Variants in MAGI3 observed in about 807,000 individuals in gnomAD.
The protein encoded by MAGI3 is membrane associated guanylate kinase, WW and PDZ domain containing 3.
A neutral mutation model predicts 121.8 loss-of-function variants in MAGI3; 43 were observed. The observed-to-expected ratio is 0.35, with a 90% CI of 0.28 to 0.46. MAGI3 has a LOEUF of 0.46. Ranked by LOEUF, MAGI3 falls within the 20% of genes least tolerant of loss-of-function variation. The probability of loss-of-function intolerance (pLI) is 1.00; values close to 1 mark genes in which losing one functional copy is unlikely to be tolerated. For synonymous variants in MAGI3, 553 were observed against 639.3 expected, an observed-to-expected ratio of 0.86 and a Z score of 2.04; for missense variants, 1,547 against 1,797.3, an observed-to-expected ratio of 0.86 and a Z score of 2.52.
intron 9 of MAGI3, among the ~76,000 whole-genome samples, chr1:113,641,037 T>C (rs1652457265): frequency 7.7e-6 from 1 of 129,918 alleles, no homozygotes; most frequent in South Asian, 2.2e-4. Context: ...ATATGATATA[T>C]ATAATATATA....
chr1:113,424,369 C>T (rs1216541610), intron 1 of MAGI3, among the ~76,000 whole-genome samples: 4 of 152,118 alleles, frequency 2.6e-5, no homozygotes, highest in Admixed American at 2.6e-4. Context: ...CCAAAAGCGT[C>T]CCTCTTATTA....
rs3081634 is a variant in MAGI3, at chr1:113,663,235, A to AATATATATAT, written c.2815+3983_2815+3992dup. 9.9e-3 allele frequency among the ~76,000 whole-genome samples: 1,425 copies of AATATATATAT among 144,024 alleles called. 13 individuals carry two copies. The highest frequency in any genetic ancestry group is 0.022 in the African/African-American group (848 of 38,916). 94.5% of individuals were successfully genotyped at this position (144,024 alleles called of 152,430 possible). On this transcript the variant is annotated intron_variant, in intron 16 of 20. Coordinates refer to ENST00000307546, the MANE Select transcript of MAGI3 (RefSeq NM_001142782.2). ...AGTGAAACTCCATCTCAAAAACAGAAATATATATATATATATATATATGCA... is the reference window on the plus strand; with the variant it reads ...AGTGAAACTCCATCTCAAAAACAGAAATATATATATATATATATATATATATATATATGCA...
chr1:113,599,775 G>A (rs904844651), intron 6 of MAGI3, among the ~76,000 whole-genome samples: 14 of 151,440 alleles, frequency 9.2e-5, no homozygotes, highest in Admixed American at 7.9e-4. Flanking sequence ...CCAAAAAAGA[G>A]AATTTTAGAC....
intron 2 of MAGI3, among the ~76,000 whole-genome samples, chr1:113,576,487 C>T (rs1647649578): frequency 6.6e-6 from 1 of 152,162 alleles, no homozygotes; most frequent in African/African-American, 2.4e-5. Flanking sequence ...GCGAGCTGCA[C>T]CCACTGTCTA....
At chr1:113,442,175 A>T (rs1021835246) in intron 1 of MAGI3, among the ~76,000 whole-genome samples, 4 of 152,152 alleles carry the variant, frequency 2.6e-5, no homozygotes, top group African/African-American at 9.7e-5. Flanking sequence ...TCAGCTTCCA[A>T]ATATTTGAGA....
rs1647628293 is a variant in MAGI3 at position 113,672,649 on chromosome 1, T to G, written c.2953T>G (p.Ser985Ala). ...AGAAGGTGAAATTGGAAAAGATGTC[T>G]CCACTTCTTACAGACATTCTTGGTC... is the stretch of plus-strand genomic sequence containing the variant. Reference protein sequence around the residue: ...ALEGEIGKDVSTSYRHSWSDH... With the variant: ...ALEGEIGKDVATSYRHSWSDH... Residue 985 changes from serine to alanine, a missense_variant, in exon 18 of 21, where the codon TCC (serine) becomes GCC (alanine). By Grantham distance (99) the Ser-to-Ala change is moderately conservative. Transcript: ENST00000307546. 1 of 1,613,874 alleles carries G rather than the reference T, an allele frequency of 6.2e-7. No homozygotes were observed. Among genetic ancestry groups the G allele is most frequent in the African/African-American group, 1.3e-5 (1 of 75,044 alleles).
chr1:113,409,368 G>A (rs1388649479), intron 1 of MAGI3, among the ~76,000 whole-genome samples: 1 of 151,704 alleles, frequency 6.6e-6, no homozygotes, highest in Non-Finnish European at 1.5e-5. Context: ...TTTTTGGCTG[G>A]GTGTGGTGGT....
chr1:113,395,152 AGGT>A (rs564094193), intron 1 of MAGI3, among the ~76,000 whole-genome samples: 92 of 69,680 alleles, frequency 1.3e-3, no homozygotes, highest in African/African-American at 4.8e-3. Flanking sequence ...AGTTTTGTTT[AGGT>A]GGTTGTATTA....
chr1:113,630,055 C>T (rs780763870), intron 9 of MAGI3, among the ~76,000 whole-genome samples: 19 of 152,112 alleles, frequency 1.2e-4, no homozygotes, highest in Non-Finnish European at 2.5e-4. Flanking sequence ...TTCCCCAAGC[C>T]GCGAGTGGAT....
chr1:113,503,551 A>G (rs1657155120), intron 1 of MAGI3, among the ~76,000 whole-genome samples: 1 of 152,058 alleles, frequency 6.6e-6, no homozygotes, highest in Non-Finnish European at 1.5e-5. Context: ...AGTCACATAT[A>G]TGCACATACA....
At chr1:113,625,869 T>C (rs1310655520) in intron 9 of MAGI3, among the ~76,000 whole-genome samples, 4 of 152,222 alleles carry the variant, frequency 2.6e-5, no homozygotes, top group African/African-American at 4.8e-5. Flanking sequence ...GTATGTTTCT[T>C]ATATAACCAG....
At chr1:113,450,642 ACAGT>A (rs1457451566) in intron 1 of MAGI3, 2 of 1,016,004 alleles carry the variant, frequency 2.0e-6, no homozygotes, top group Non-Finnish European at 3.1e-6. Context: ...GTGAAAGGGG[ACAGT>A]TCTGGTGGAA....
At chr1:113,510,485 C>T (rs191305220) in intron 1 of MAGI3, among the ~76,000 whole-genome samples, 1 of 151,696 alleles carries the variant, frequency 6.6e-6, no homozygotes, top group Non-Finnish European at 1.5e-5. Flanking sequence ...AATAATTCTT[C>T]CTGGGTAGCT....
At position 113,629,763 on chromosome 1, in the gene MAGI3, C is replaced by CCTCTCCCT. The variant is rs1553209694; in HGVS notation, c.1360+6772_1360+6773insTCCCTCTC. ...CTCTCTCTCTCTCTCTCTCTCTCTC[C>CCTCTCCCT]CTCCCTCCCTCCCTCCCTCCCTCAC... On this transcript the variant is annotated intron_variant, in intron 9 of 20. Transcript: ENST00000307546. Among the ~76,000 whole-genome samples, 24 of 45,154 alleles carry CCTCTCCCT rather than the reference C, an allele frequency of 5.3e-4. 1 individual carries two copies. The highest frequency in any genetic ancestry group is 7.4e-4 in the Non-Finnish European group (16 of 21,754). 29.6% of individuals were successfully genotyped at this position (45,154 alleles called of 152,430 possible). A position where few individuals can be genotyped will look rare whatever the true frequency, so the allele number is the denominator to read the frequency against.
At chr1:113,668,708 G>A (rs1015535870) in intron 16 of MAGI3, among the ~76,000 whole-genome samples, 5 of 146,748 alleles carry the variant, frequency 3.4e-5, no homozygotes, top group Non-Finnish European at 7.4e-5. Context: ...TCAGCCTCCC[G>A]AGTAGCTGGG....
intron 15 of MAGI3, 52 bp from the exon 16 acceptor site, chr1:113,659,028 C>G: frequency 2.9e-6 from 4 of 1,379,694 alleles, no homozygotes; most frequent in Non-Finnish European, 4.0e-6. Flanking sequence ...ATAAATCTAA[C>G]ACTAGCAGAA....
intron 1 of MAGI3, among the ~76,000 whole-genome samples, chr1:113,479,423 A>C (rs927362984): frequency 3.3e-5 from 5 of 152,014 alleles, no homozygotes; most frequent in African/African-American, 1.2e-4. Context: ...TAAATATGTC[A>C]TCTCATTCTC....
At chr1:113,592,547 CTA>C (rs1383702745) in intron 5 of MAGI3, among the ~76,000 whole-genome samples, 1 of 152,116 alleles carries the variant, frequency 6.6e-6, no homozygotes, top group East Asian at 1.9e-4. Context: ...TCCTAACAAT[CTA>C]TGTGGCTCCT....
At chr1:113,408,090 G>A (rs1651785427) in intron 1 of MAGI3, among the ~76,000 whole-genome samples, 1 of 152,098 alleles carries the variant, frequency 6.6e-6, no homozygotes, top group African/African-American at 2.4e-5. Flanking sequence ...TACCTACTAT[G>A]CACTAAGCCC....
Sources: allele counts gnomAD v4.1 joint callset (sites outside exome capture counted in the v4.1 genomes callset), GRCh38; gene constraint gnomAD v4.1.1; transcripts MANE v1.5; gene names NCBI Gene and HGNC (gene_info 2026-07-23, HGNC 2026-07-21).